Variants in IBTK observed in about 807,000 individuals in gnomAD.
IBTK encodes inhibitor of Bruton tyrosine kinase.
IBTK carries 83 observed loss-of-function variants against 154.9 expected under a neutral mutation model. That is an observed-to-expected ratio of 0.54 (90% CI 0.45 to 0.64). The LOEUF (loss-of-function observed/expected upper bound fraction) is 0.64, where lower values mean the gene tolerates loss of function less well. Among genes scored for constraint, IBTK ranks in the 30% least tolerant of loss-of-function variants. The pLI is 0.00. For synonymous variants in IBTK, 515 were observed against 536.1 expected (o/e 0.96, Z 0.54); for missense variants, 1,332 against 1,584.6 (o/e 0.84, Z 2.71).
chr6:82,172,395 C>A lies in IBTK; in HGVS notation c.3915G>T (p.Pro1305=). Residue 1305 remains proline (P), a synonymous_variant, in exon 28 of 29, where the codon CCG becomes CCT. Transcript: ENST00000306270. The stretch of plus-strand genomic sequence containing the variant: ...TGTTATTTACCTGAATCAGAGCCAA[C>A]GGTTTTTCTCGACTTCTAATAAGAG... ...EAALIRSREK[P]LALIQIEEHA... 3 of 1,613,414 alleles carry A rather than the reference C, an allele frequency of 1.9e-6. No homozygotes were observed. Among genetic ancestry groups the A allele is most frequent in the Non-Finnish European group, 1.7e-6 (2 of 1,179,732 alleles).
At chr6:82,192,996 G>A (rs1166139759) in intron 23 of IBTK, among the ~76,000 whole-genome samples, 2 of 151,618 alleles carry the variant, frequency 1.3e-5, no homozygotes, top group Non-Finnish European at 1.5e-5. Flanking sequence ...TACTCGGGAG[G>A]TTGAGGCAGG....
In IBTK at chr6:82,227,780, G is replaced by A. The variant is rs190940434; in HGVS notation, c.544-478C>T. Reference sequence around the variant, plus strand: ...AAAGCCATTTATACATGGCGTAGGGGGCAGTATGTCCTTTTCTTTATCTTT... The same window carrying A: ...AAAGCCATTTATACATGGCGTAGGGAGCAGTATGTCCTTTTCTTTATCTTT... On this transcript the variant is annotated intron_variant, in intron 4 of 28. Transcript: ENST00000306270. Among the ~76,000 whole-genome samples the A allele has an allele frequency of 1.8e-3, 281 of 151,896 alleles. 8 individuals are homozygous for A. The highest frequency in any genetic ancestry group is 0.018 in the Admixed American group (280 of 15,264).
At chr6:82,235,611 A>G (rs965314707) in intron 2 of IBTK, among the ~76,000 whole-genome samples, 5 of 152,096 alleles carry the variant, frequency 3.3e-5, no homozygotes, top group Admixed American at 3.3e-4. Flanking sequence ...ACAAAAAAAA[A>G]TTATCTGGAG....
intron 25 of IBTK, among the ~76,000 whole-genome samples, chr6:82,187,441 C>CACTTT (rs2127801372): frequency 6.6e-6 from 1 of 152,084 alleles, no homozygotes; most frequent in African/African-American, 2.4e-5. Context: ...GATAAATGAC[C>CACTTT]ACTTGAATAC....
intron 9 of IBTK, among the ~76,000 whole-genome samples, chr6:82,219,618 T>C (rs1318816863): frequency 7.5e-6 from 1 of 133,360 alleles, no homozygotes; most frequent in African/African-American, 2.9e-5. Context: ...TTATATAATA[T>C]ATAAATACAT....
At chr6:82,189,284 G>A (rs1193327281) in intron 25 of IBTK, among the ~76,000 whole-genome samples, 3 of 151,834 alleles carry the variant, frequency 2.0e-5, no homozygotes, top group African/African-American at 4.8e-5. Flanking sequence ...AAAAGATCCT[G>A]TAAACTTTCA....
intron 21 of IBTK, among the ~76,000 whole-genome samples, chr6:82,198,367 G>A (rs559718777): frequency 1.3e-5 from 2 of 152,098 alleles, no homozygotes; most frequent in African/African-American, 2.4e-5. Context: ...TTTAAATTTA[G>A]AAAAGTCCTA....
intron 4 of IBTK, among the ~76,000 whole-genome samples, chr6:82,230,836 T>C (rs1770476004): frequency 6.6e-6 from 1 of 152,140 alleles, no homozygotes; most frequent in Non-Finnish European, 1.5e-5. Context: ...AAGTAGAAGA[T>C]ATCATGCATT....
intron 27 of IBTK, chr6:82,173,165 C>T (rs1015574046): frequency 5.1e-6 from 2 of 396,018 alleles, no homozygotes; most frequent in Non-Finnish European, 9.0e-6. Flanking sequence ...CCATGCCCAG[C>T]TAAGTTTTGT....
At chr6:82,237,634 G>A (rs1770771313) in intron 2 of IBTK, among the ~76,000 whole-genome samples, 1 of 134,288 alleles carries the variant, frequency 7.4e-6, no homozygotes, top group Non-Finnish European at 1.7e-5. Context: ...AGTAGTAGCA[G>A]TAGTAGTAGT....
chr6:82,207,817 T>C (rs906600951), intron 16 of IBTK, among the ~76,000 whole-genome samples: 2 of 152,084 alleles, frequency 1.3e-5, no homozygotes, highest in Admixed American at 1.3e-4. Context: ...GCTAAAACAA[T>C]TCAATGGGAA....
At chr6:82,213,700 T>C (rs979609060) in intron 12 of IBTK, among the ~76,000 whole-genome samples, 2 of 152,074 alleles carry the variant, frequency 1.3e-5, no homozygotes, top group African/African-American at 2.4e-5. Flanking sequence ...CCACTCCAGA[T>C]CCCTGTTACA....
intron 27 of IBTK, chr6:82,172,718 T>G (rs2127795309): frequency 2.0e-6 from 1 of 499,616 alleles, no homozygotes; most frequent in Admixed American, 3.7e-5. Context: ...AAATACTCTT[T>G]AGCAATGCTA....
At chr6:82,224,040 C>T (rs1390002704) in intron 7 of IBTK, 28 bp downstream of exon 7, 8 of 1,178,790 alleles carry the variant, frequency 6.8e-6, no homozygotes, top group East Asian at 4.7e-5. Flanking sequence ...AATTTAATTT[C>T]CAGATATTGT....
chr6:82,173,546 A>T lies in IBTK; in HGVS notation c.3726-108T>A, dbSNP rs1256261525. 22 of 780,266 alleles carry T rather than the reference A, an allele frequency of 2.8e-5. No individual in the cohort carries two copies. The Admixed American group carries it at 5.1e-4, about 18-fold the overall frequency. The allele number at this position is 780,266 out of a possible 1,614,324, so 48.3% of individuals were successfully genotyped here. ...TTGTAAACTCCTGACTCCAGAGGCAAATTAAATGAGTGCAGTCAAGCTTAC... is the reference window on the plus strand; with the variant it reads ...TTGTAAACTCCTGACTCCAGAGGCATATTAAATGAGTGCAGTCAAGCTTAC... On this transcript the variant is annotated intron_variant, in intron 26 of 28. Transcript: ENST00000306270.
chr6:82,203,216 T>C (rs938598086), intron 17 of IBTK, among the ~76,000 whole-genome samples: 1 of 152,042 alleles, frequency 6.6e-6, no homozygotes, highest in African/African-American at 2.4e-5. Flanking sequence ...CAGTGAAAAA[T>C]CTGATATACT....
At chr6:82,232,606 A>C (rs1242728768) in intron 3 of IBTK, among the ~76,000 whole-genome samples, 2 of 152,254 alleles carry the variant, frequency 1.3e-5, no homozygotes, top group Non-Finnish European at 2.9e-5. Context: ...CTTACTAGTT[A>C]AATGCAAACT....
Position 82,214,555 on chromosome 6 carries a change from C to T in IBTK, c.1876G>A (p.Asp626Asn). The change falls in exon 12 of 29, where the codon GAC becomes AAC. Residue 626 changes from aspartate to asparagine, a missense_variant. Transcript: ENST00000306270. The stretch of plus-strand genomic sequence containing the variant: ...AATTGTAAAAGGTATTCAAACATGT[C>T]AGGATGAACCTTCTCTACCACAAAG... Reference protein sequence around the residue: ...HLFVVEKVHPDMFEYLLQFIY... With the variant: ...HLFVVEKVHPNMFEYLLQFIY... The T allele has an allele frequency of 6.2e-7, 1 of 1,614,018 alleles. No homozygotes were observed. The highest frequency in any genetic ancestry group is 1.1e-5 in the South Asian group (1 of 91,062).
At chr6:82,201,549 A>T in intron 18 of IBTK, 67 bp from the exon 19 acceptor site, 1 of 1,035,684 alleles carries the variant, frequency 9.7e-7, no homozygotes, top group East Asian at 2.6e-5. Context: ...AGTTGCTTAC[A>T]TACGTAGATA....
Sources: allele counts gnomAD v4.1 joint callset (sites outside exome capture counted in the v4.1 genomes callset), GRCh38; gene constraint gnomAD v4.1.1; transcripts MANE v1.5; gene names NCBI Gene and HGNC (gene_info 2026-07-23, HGNC 2026-07-21).